Variants in ADAM18 observed in about 807,000 individuals in gnomAD.
ADAM18 encodes the protein ADAM metallopeptidase domain 18.
ADAM18 carries 117 observed loss-of-function variants against 94.4 expected under a neutral mutation model. The ratio of observed to expected loss-of-function variants is 1.24; its 90% CI spans 1.07 to 1.45. The LOEUF (loss-of-function observed/expected upper bound fraction) is 1.45, where lower values mean the gene tolerates loss of function less well. ADAM18 is among the 40% of genes most tolerant of loss of function. The pLI, the probability that ADAM18 is intolerant of heterozygous loss-of-function variation, is 0.00. For missense variants in ADAM18, 936 were observed against 880.0 expected, an observed-to-expected ratio of 1.06 and a Z score of -0.81; for synonymous variants, 327 against 291.6, an observed-to-expected ratio of 1.12 and a Z score of -1.24.
chr8:39,721,159 T>C (rs1171243358), intron 18 of ADAM18, among the ~76,000 whole-genome samples: 1 of 151,382 alleles, frequency 6.6e-6, no homozygotes, highest in African/African-American at 2.4e-5. Flanking sequence ...ATTTAAAATC[T>C]GTCAAAAATG....
At chr8:39,617,430 T>C (rs939714489) in intron 6 of ADAM18, among the ~76,000 whole-genome samples, 1 of 152,100 alleles carries the variant, frequency 6.6e-6, no homozygotes, top group Non-Finnish European at 1.5e-5. Context: ...GGAAAGCAGA[T>C]TGGAAATTTC....
intron 12 of ADAM18, among the ~76,000 whole-genome samples, chr8:39,656,047 T>C (rs914425892): frequency 6.6e-6 from 1 of 152,118 alleles, no homozygotes; most frequent in Non-Finnish European, 1.5e-5. Flanking sequence ...TGTAATTTTT[T>C]GTCCAAATTC....
intron 13 of ADAM18, among the ~76,000 whole-genome samples, chr8:39,665,461 T>TA (rs1179014965): frequency 1.3e-5 from 2 of 152,180 alleles, no homozygotes; most frequent in East Asian, 3.8e-4. Context: ...GCTAGATACC[T>TA]AGGAGAGGGA....
chr8:39,603,674 T>A (rs1387490402), intron 2 of ADAM18, among the ~76,000 whole-genome samples: 1 of 152,246 alleles, frequency 6.6e-6, no homozygotes, highest in Non-Finnish European at 1.5e-5. Context: ...GAGGTAAGCC[T>A]ATATTGTTAG....
intron 6 of ADAM18, among the ~76,000 whole-genome samples, chr8:39,621,424 A>G (rs1819610622): frequency 6.6e-6 from 1 of 151,900 alleles, no homozygotes; most frequent in Non-Finnish European, 1.5e-5. Flanking sequence ...GATGAATGAC[A>G]CATGAGTTCC....
intron 9 of ADAM18, among the ~76,000 whole-genome samples, chr8:39,638,205 T>C (rs961011883): frequency 1.3e-4 from 19 of 151,954 alleles, no homozygotes; most frequent in Non-Finnish European, 1.9e-4. Context: ...TTTGAGCTAA[T>C]AAAATTATAT....
intron 18 of ADAM18, among the ~76,000 whole-genome samples, chr8:39,708,833 C>A (rs539111860): frequency 6.6e-6 from 1 of 152,104 alleles, no homozygotes; most frequent in Non-Finnish European, 1.5e-5. Context: ...GGTGCAGGGG[C>A]CAAGGTGCAG....
chr8:39,593,752 C>A (rs533782735), intron 2 of ADAM18, among the ~76,000 whole-genome samples: 1 of 152,232 alleles, frequency 6.6e-6, no homozygotes, highest in African/African-American at 2.4e-5. Flanking sequence ...TGGATTGATA[C>A]CCTTTATCAT....
intron 16 of ADAM18, among the ~76,000 whole-genome samples, chr8:39,682,691 T>C (rs1019932096): frequency 2.6e-5 from 4 of 152,206 alleles, no homozygotes; most frequent in Non-Finnish European, 5.9e-5. Context: ...TATGCCTTTA[T>C]TACCATTATA....
chr8:39,724,013 T>C (rs891560542), intron 19 of ADAM18, 106 bp downstream of exon 19: 2 of 743,486 alleles, frequency 2.7e-6, no homozygotes, highest in African/African-American at 3.7e-5. Context: ...AATATACTAT[T>C]TTAAATCTAA....
intron 16 of ADAM18, among the ~76,000 whole-genome samples, chr8:39,682,823 T>C (rs1356502837): frequency 6.6e-6 from 1 of 152,130 alleles, no homozygotes; most frequent in Non-Finnish European, 1.5e-5. Context: ...GATGAAGAAA[T>C]AGGCTTTGAA....
At chr8:39,706,642 A>G in intron 17 of ADAM18, 148 bp from the exon 18 acceptor site, 1 of 434,520 alleles carries the variant, frequency 2.3e-6, no homozygotes, top group Non-Finnish European at 4.0e-6. Context: ...CACTTTTTCT[A>G]ACCTATTTCT....
At chr8:39,708,094 G>A (rs1822291459) in intron 18 of ADAM18, among the ~76,000 whole-genome samples, 3 of 152,178 alleles carry the variant, frequency 2.0e-5, no homozygotes, top group Admixed American at 2.0e-4. Flanking sequence ...AATGATGGGA[G>A]ATTTCATCAT....
intron 7 of ADAM18, among the ~76,000 whole-genome samples, chr8:39,633,975 C>T (rs1041212518): frequency 1.3e-5 from 2 of 152,062 alleles, no homozygotes; most frequent in Non-Finnish European, 2.9e-5. Context: ...AGAATAACCC[C>T]AAAGACATTT....
At chr8:39,674,446 C>T (rs964261975) in intron 14 of ADAM18, among the ~76,000 whole-genome samples, 2 of 152,088 alleles carry the variant, frequency 1.3e-5, no homozygotes, top group African/African-American at 2.4e-5. Context: ...ATTGCAACCC[C>T]TGCTTTTTTT....
intron 18 of ADAM18, among the ~76,000 whole-genome samples, chr8:39,712,744 G>T (rs778489935): frequency 3.3e-5 from 5 of 151,934 alleles, no homozygotes; most frequent in Admixed American, 3.3e-4. Flanking sequence ...GATGTAAAGG[G>T]CATCTGCAAG....
chr8:39,681,399 C>T (rs1821454874), intron 16 of ADAM18, among the ~76,000 whole-genome samples: 1 of 152,166 alleles, frequency 6.6e-6, no homozygotes, highest in Admixed American at 6.5e-5. Flanking sequence ...CAGATAACAC[C>T]TTGATTTCAG....
chr8:39,623,688 C>T (rs905929588), intron 6 of ADAM18, among the ~76,000 whole-genome samples: 2 of 152,050 alleles, frequency 1.3e-5, no homozygotes, highest in African/African-American at 4.8e-5. Flanking sequence ...GCTTCGCCTC[C>T]CGGGTTCACG....
chr8:39,683,436 C>G (rs1010045513), intron 16 of ADAM18, among the ~76,000 whole-genome samples: 1 of 152,200 alleles, frequency 6.6e-6, no homozygotes, highest in African/African-American at 2.4e-5. Context: ...AGATAAACTT[C>G]TAAGAGTGCA....
Sources: allele counts gnomAD v4.1 joint callset (sites outside exome capture counted in the v4.1 genomes callset), GRCh38; gene constraint gnomAD v4.1.1; transcripts MANE v1.5; gene names NCBI Gene and HGNC (gene_info 2026-07-23, HGNC 2026-07-21).